CCDC171: variants seen among roughly 807,000 people sequenced by gnomAD.
The protein encoded by CCDC171 is coiled-coil domain-containing protein 171.
A neutral mutation model predicts 168.2 loss-of-function variants in CCDC171; 177 were observed. The ratio of observed to expected loss-of-function variants is 1.05; its 90% CI spans 0.93 to 1.19. The LOEUF is 1.19. Ranked by LOEUF, CCDC171 falls within the 50% of genes most tolerant of loss-of-function variation. The pLI is 0.00. For missense variants in CCDC171, 1,991 were observed against 1,539.0 expected (o/e 1.29, Z -4.91); for synonymous variants, 687 against 540.8 (o/e 1.27, Z -3.75).
At chr9:15,976,331 G>C (rs533178713), downstream of CCDC171, among the ~76,000 whole-genome samples, 2 of 152,022 alleles carry the variant, frequency 1.3e-5, no homozygotes, top group East Asian at 3.9e-4. Flanking sequence ...TTCATAACTT[G>C]AATTTTCAAA....
chr9:15,649,613 G>A (rs986261214), intron 7 of CCDC171, among the ~76,000 whole-genome samples: 1 of 152,142 alleles, frequency 6.6e-6, no homozygotes, highest in African/African-American at 2.4e-5. Flanking sequence ...CTTCTCAAAA[G>A]AAGACATTTA....
chr9:15,944,988 G>A (rs1043317391), intron 25 of CCDC171, among the ~76,000 whole-genome samples: 3 of 151,616 alleles, frequency 2.0e-5, no homozygotes, highest in Admixed American at 6.6e-5. Flanking sequence ...CCACTAACTC[G>A]TCATCTAGCA....
chr9:15,596,060 G>C (rs2042324648), intron 6 of CCDC171, among the ~76,000 whole-genome samples: 1 of 152,100 alleles, frequency 6.6e-6, no homozygotes, highest in Admixed American at 6.6e-5. Flanking sequence ...TGTCAGATGA[G>C]TAGATTGCAA....
intron 8 of CCDC171, chr9:16,036,240 T>C (rs1833464700): frequency 6.6e-6 from 1 of 152,218 alleles, no homozygotes; most frequent in Non-Finnish European, 1.5e-5. Context: ...TTAGTTGTCT[T>C]GGGAACGTGA....
intron 25 of CCDC171, among the ~76,000 whole-genome samples, chr9:15,944,755 G>A (rs1828108814): frequency 6.6e-6 from 1 of 151,948 alleles, no homozygotes; most frequent in South Asian, 2.1e-4. Context: ...TTCAAAGTAG[G>A]AAGGAACTAC....
chr9:15,561,587 G>C (rs762394096), intron 1 of CCDC171, among the ~76,000 whole-genome samples: 4 of 152,028 alleles, frequency 2.6e-5, no homozygotes, highest in Non-Finnish European at 5.9e-5. Flanking sequence ...CTGTAACTCT[G>C]AACTTGACTG....
intron 10 of CCDC171, among the ~76,000 whole-genome samples, chr9:15,679,745 C>T (rs902247411): frequency 5.9e-5 from 9 of 152,068 alleles, no homozygotes; most frequent in Non-Finnish European, 7.4e-5. Context: ...GATGAGGTCT[C>T]GCTATGTTGG....
intron 9 of CCDC171, among the ~76,000 whole-genome samples, chr9:15,678,060 C>T (rs1380544356): frequency 6.7e-6 from 1 of 150,088 alleles, no homozygotes; most frequent in Non-Finnish European, 1.5e-5. Context: ...CAGACACACA[C>T]CACTGTGCTC....
At chr9:15,710,368 T>C (rs543821994) in intron 11 of CCDC171, among the ~76,000 whole-genome samples, 1 of 151,994 alleles carries the variant, frequency 6.6e-6, no homozygotes, top group South Asian at 2.1e-4. Context: ...AGTGGCGCCA[T>C]CTCAGCTCAC....
At chr9:16,070,855 CCTT>C in the CCDC171 span, among the ~76,000 whole-genome samples, 2 of 152,198 alleles carry the variant, frequency 1.3e-5, no homozygotes, top group African/African-American at 2.4e-5. Context: ...GTGTAGCCCT[CCTT>C]CTTCAGGGGA....
chr9:15,973,828 TAG>T lies in CCDC171; in HGVS notation c.*1996_*1997del. 6.6e-6 allele frequency: 1 copy of T among 152,284 alleles called. No individual in the cohort carries two copies. Among genetic ancestry groups the T allele is most frequent in the East Asian group, 1.9e-4 (1 of 5,174 alleles). The allele number at this position is 152,284 out of a possible 1,614,324, so 9.4% of individuals were successfully genotyped here. Reference sequence around the variant, plus strand: ...ATATCACTGAGCTTACAATTCTCACTAGAGAAGAACAAGGTTACTATATGTAA... The same window carrying T: ...ATATCACTGAGCTTACAATTCTCACTAGAAGAACAAGGTTACTATATGTAA... On this transcript the variant is annotated 3_prime_UTR_variant, in exon 26 of 26. Coordinates refer to ENST00000380701, the MANE Select transcript of CCDC171 (RefSeq NM_173550.4).
chr9:15,615,722 G>T (rs983374623), intron 6 of CCDC171, among the ~76,000 whole-genome samples: 8 of 151,644 alleles, frequency 5.3e-5, no homozygotes, highest in Middle Eastern at 3.2e-3. Context: ...TGGGATTTAA[G>T]TGATTATGTG....
At chr9:15,605,775 C>A (rs1306218826) in intron 6 of CCDC171, among the ~76,000 whole-genome samples, 1 of 152,022 alleles carries the variant, frequency 6.6e-6, no homozygotes, top group Non-Finnish European at 1.5e-5. Flanking sequence ...TCTGATTTCG[C>A]TCCTCATGTC....
intron 18 of CCDC171, among the ~76,000 whole-genome samples, chr9:15,770,153 T>C (rs2056938140): frequency 6.6e-6 from 1 of 152,220 alleles, no homozygotes; most frequent in African/African-American, 2.4e-5. Flanking sequence ...ACTATATTTG[T>C]AAATCAGGAC....
intron 6 of CCDC171, among the ~76,000 whole-genome samples, chr9:15,599,110 A>G (rs1020389193): frequency 3.9e-5 from 6 of 152,108 alleles, no homozygotes; most frequent in Admixed American, 2.6e-4. Context: ...CCAATTTGCC[A>G]GTGTGTGTCT....
At chr9:15,790,273 T>C (rs2058186753) in intron 21 of CCDC171, among the ~76,000 whole-genome samples, 1 of 151,980 alleles carries the variant, frequency 6.6e-6, no homozygotes, top group African/African-American at 2.4e-5. Flanking sequence ...TGTTTCCTTT[T>C]TAATGATTGC....
chr9:15,977,116 AG>A (rs1311678868), downstream of CCDC171, among the ~76,000 whole-genome samples: 2 of 152,202 alleles, frequency 1.3e-5, no homozygotes, highest in African/African-American at 2.4e-5. Flanking sequence ...CTTATACCTT[AG>A]CAATTTTATT....
intron 22 of CCDC171, 79 bp from the exon 23 acceptor site, chr9:15,848,814 C>A: frequency 1.4e-6 from 1 of 697,886 alleles, no homozygotes; most frequent in Non-Finnish European, 2.4e-6. Context: ...TTTTTTAATA[C>A]CAGTGACTTA....
chr9:15,706,518 G>T (rs1363588039), intron 11 of CCDC171, among the ~76,000 whole-genome samples: 2 of 152,046 alleles, frequency 1.3e-5, no homozygotes, highest in Non-Finnish European at 2.9e-5. Flanking sequence ...CAACTGCTGA[G>T]TTTAAGCAAT....
Sources: gnomAD v4.1 joint callset for allele counts (sites outside exome capture counted in the v4.1 genomes callset) on GRCh38, gnomAD v4.1.1 for gene constraint, MANE v1.5 for transcripts, NCBI Gene and HGNC (gene_info 2026-07-23, HGNC 2026-07-21) for gene names.